HPSE2: variants seen among roughly 807,000 people sequenced by gnomAD.
HPSE2 encodes the protein heparanase 2 (inactive).
Under a neutral mutation model 60.5 loss-of-function variants are expected in HPSE2, and 38 were observed. The observed-to-expected ratio is 0.63, with a 90% CI of 0.48 to 0.82. HPSE2 has a LOEUF of 0.82. Ranked by LOEUF, HPSE2 falls within the 40% of genes least tolerant of loss-of-function variation. HPSE2 has a pLI of 0.00. For missense variants in HPSE2, 713 were observed against 740.4 expected, an observed-to-expected ratio of 0.96 and a Z score of 0.43; for synonymous variants, 295 against 293.2, an observed-to-expected ratio of 1.01 and a Z score of -0.06.
intron 3 of HPSE2, among the ~76,000 whole-genome samples, chr10:99,132,206 AGAGAGAGAGAGAGAG>A (rs1564832942): frequency 4.9e-4 from 12 of 24,508 alleles, no homozygotes; most frequent in South Asian, 2.7e-3. Flanking sequence ...AGAGAGAGAG[AGAGAGAGAGAGAGAG>A]AGAGAGAGAG....
intron 11 of HPSE2, among the ~76,000 whole-genome samples, chr10:98,470,140 AAC>A (rs1011285841): frequency 1.5e-5 from 2 of 129,490 alleles, no homozygotes; most frequent in African/African-American, 6.4e-5. Flanking sequence ...CACACATGTT[AAC>A]ACACGTTTTA....
intron 3 of HPSE2, among the ~76,000 whole-genome samples, chr10:98,991,152 T>C (rs1956514115): frequency 6.6e-6 from 1 of 152,194 alleles, no homozygotes; most frequent in Admixed American, 6.5e-5. Context: ...ACATAGGCTC[T>C]AAGAATATAA....
At chr10:99,026,578 T>C (rs1303684645) in intron 3 of HPSE2, among the ~76,000 whole-genome samples, 1 of 151,904 alleles carries the variant, frequency 6.6e-6, no homozygotes, top group Non-Finnish European at 1.5e-5. Context: ...AGACAGAAAA[T>C]CCATAAAGAA....
At chr10:98,815,225 C>T (rs1419065278) in intron 3 of HPSE2, among the ~76,000 whole-genome samples, 18 of 152,150 alleles carry the variant, frequency 1.2e-4, no homozygotes, top group South Asian at 6.2e-4. Context: ...GAGGCTGCAG[C>T]GAGCCATGAT....
At chr10:99,029,827 CA>C (rs1564749385) in intron 3 of HPSE2, among the ~76,000 whole-genome samples, 1 of 151,924 alleles carries the variant, frequency 6.6e-6, no homozygotes, top group Non-Finnish European at 1.5e-5. Context: ...AGGCCCTCCA[CA>C]AGAGGTGGAG....
chr10:98,659,023 T>TCA (rs1947153668), intron 6 of HPSE2, among the ~76,000 whole-genome samples: 2 of 152,020 alleles, frequency 1.3e-5, no homozygotes, highest in Non-Finnish European at 2.9e-5. Flanking sequence ...ACCATCATCA[T>TCA]TATCTAGTTC....
intron 3 of HPSE2, among the ~76,000 whole-genome samples, chr10:99,121,996 A>G (rs1369810365): frequency 6.6e-6 from 1 of 152,088 alleles, no homozygotes; most frequent in African/African-American, 2.4e-5. Context: ...GAAGTCCACA[A>G]AATTTTAAGG....
intron 9 of HPSE2, among the ~76,000 whole-genome samples, chr10:98,600,841 T>C (rs1945381674): frequency 1.4e-5 from 2 of 146,058 alleles, no homozygotes; most frequent in African/African-American, 5.0e-5. Context: ...CAAAGATATA[T>C]ATACACACAC....
intron 9 of HPSE2, among the ~76,000 whole-genome samples, chr10:98,588,478 G>C (rs1564991646): frequency 6.6e-6 from 1 of 152,248 alleles, no homozygotes; most frequent in African/African-American, 2.4e-5. Context: ...AGACAAGACC[G>C]AAGTCAGTGC....
chr10:99,308,398 G>GAAAAAAAAAAAAAAAAAA, the HPSE2 span, among the ~76,000 whole-genome samples: 57 of 56,426 alleles, frequency 1.0e-3, no homozygotes, highest in South Asian at 1.5e-3. Flanking sequence ...AAAAAAAAAG[G>GAAAAAAAAAAAAAAAAAA]AAACCATCAA....
At chr10:98,629,301 G>C (rs1001592799) in intron 7 of HPSE2, among the ~76,000 whole-genome samples, 1 of 152,164 alleles carries the variant, frequency 6.6e-6, no homozygotes, top group Non-Finnish European at 1.5e-5. Flanking sequence ...AAGAACAGTA[G>C]CTCTTTAAGT....
intron 6 of HPSE2, among the ~76,000 whole-genome samples, chr10:98,675,060 A>T (rs1015821852): frequency 6.6e-6 from 1 of 152,208 alleles, no homozygotes; most frequent in Non-Finnish European, 1.5e-5. Context: ...TTGGGATTGC[A>T]CATATGATGC....
At chr10:98,593,716 T>G (rs1255975067) in intron 9 of HPSE2, among the ~76,000 whole-genome samples, 1 of 152,212 alleles carries the variant, frequency 6.6e-6, no homozygotes. Flanking sequence ...GTGAGTGATC[T>G]CTGGGTAAAT....
the HPSE2 span, among the ~76,000 whole-genome samples, chr10:99,289,750 C>A: frequency 6.6e-6 from 1 of 152,162 alleles, no homozygotes; most frequent in Non-Finnish European, 1.5e-5. Context: ...AACCGACACT[C>A]AAGTCAGAAG....
At chr10:98,937,586 G>T (rs1954843075) in intron 3 of HPSE2, among the ~76,000 whole-genome samples, 1 of 144,182 alleles carries the variant, frequency 6.9e-6, no homozygotes, top group Non-Finnish European at 1.5e-5. Context: ...CAGCCTGGAA[G>T]CTCGAACTGG....
the HPSE2 span, among the ~76,000 whole-genome samples, chr10:99,282,356 A>G: frequency 3.3e-5 from 5 of 152,344 alleles, no homozygotes; most frequent in African/African-American, 1.2e-4. Flanking sequence ...ACATATGCAC[A>G]AAGTCCCAAA....
At chr10:99,185,179 T>C (rs1847957899) in intron 2 of HPSE2, among the ~76,000 whole-genome samples, 1 of 151,314 alleles carries the variant, frequency 6.6e-6, no homozygotes, top group Admixed American at 6.6e-5. Flanking sequence ...TGACGTACAC[T>C]TGTAATCCCA....
chr10:98,578,382 C>A (rs3853516), intron 9 of HPSE2, among the ~76,000 whole-genome samples: 85,667 of 151,950 alleles, frequency 0.56, 24,387 homozygotes, highest in Middle Eastern at 0.64. Flanking sequence ...TCCACACTCT[C>A]ATGGGTTTGT....
At chr10:98,882,875 GA>G (rs1426407035) in intron 3 of HPSE2, among the ~76,000 whole-genome samples, 3 of 152,072 alleles carry the variant, frequency 2.0e-5, no homozygotes, top group African/African-American at 7.2e-5. Flanking sequence ...ACAGTTTGGG[GA>G]ACTGAGATAC....
Sources: allele counts gnomAD v4.1 joint callset (sites outside exome capture counted in the v4.1 genomes callset), GRCh38; gene constraint gnomAD v4.1.1; transcripts MANE v1.5; gene names NCBI Gene and HGNC (gene_info 2026-07-23, HGNC 2026-07-21).